Variants in MAP2K2 observed in about 807,000 individuals in gnomAD.
MAP2K2 encodes dual specificity mitogen-activated protein kinase kinase 2.
In MAP2K2, 24 loss-of-function variants were observed where a neutral mutation model predicts 43.7. The ratio of observed to expected loss-of-function variants is 0.55; its 90% confidence interval spans 0.40 to 0.77. MAP2K2 has a LOEUF of 0.77. Among genes scored for constraint, MAP2K2 ranks in the 30% least tolerant of loss-of-function variants. The pLI, the probability that MAP2K2 is intolerant of heterozygous loss-of-function variation, is 0.00. For missense variants in MAP2K2, 470 were observed against 566.8 expected (o/e 0.83, Z 1.73); for synonymous variants, 244 against 239.7 (o/e 1.02, Z -0.17).
chr19:4,113,775 T>C (rs1460120224), intron 2 of MAP2K2, among the ~76,000 whole-genome samples: 2 of 151,836 alleles, frequency 1.3e-5, no homozygotes, highest in African/African-American at 4.8e-5. Flanking sequence ...GGTTGGGGGA[T>C]TCGGAGTAGG....
chr19:4,102,793 G>C (rs1192064856), intron 3 of MAP2K2: 2 of 1,248,958 alleles, frequency 1.6e-6, no homozygotes, highest in African/African-American at 1.5e-5. Flanking sequence ...GGCAGCTGTG[G>C]GGCCCGCACT....
intron 3 of MAP2K2, among the ~76,000 whole-genome samples, chr19:4,105,180 G>C (rs979947437): frequency 3.3e-5 from 5 of 151,446 alleles, no homozygotes; most frequent in Non-Finnish European, 5.9e-5. Context: ...GTGTGTGTGT[G>C]TGTGTGTGTG....
At chr19:4,118,680 G>A (rs2041257869) in intron 1 of MAP2K2, among the ~76,000 whole-genome samples, 1 of 152,192 alleles carries the variant, frequency 6.6e-6, no homozygotes. Flanking sequence ...CATGCCTGTA[G>A]TTCTAGTTAC....
At chr19:4,108,342 G>A (rs1374128540) in intron 3 of MAP2K2, among the ~76,000 whole-genome samples, 1 of 151,960 alleles carries the variant, frequency 6.6e-6, no homozygotes, top group African/African-American at 2.4e-5. Flanking sequence ...CAGGGTTCAC[G>A]CCATTCCCCT....
At chr19:4,103,224 G>A in intron 3 of MAP2K2, 1 of 986,608 alleles carries the variant, frequency 1.0e-6, no homozygotes, top group Non-Finnish European at 1.2e-6. Context: ...CTGGAAACGA[G>A]TCATCATGGG....
At chr19:4,123,554 C>CGCCCTGCCCCGTCCTCCCCCGAGGGT (rs2041328128) in intron 1 of MAP2K2, among the ~76,000 whole-genome samples, 1 of 56,848 alleles carries the variant, frequency 1.8e-5, no homozygotes, top group Admixed American at 1.5e-4. Flanking sequence ...CCTCCGAGGG[C>CGCCCTGCCCCGTCCTCCCCCGAGGGT]CCCCTGCCCC....
In MAP2K2 at chr19:4,093,339, G is replaced by A. The variant is rs892313541; in HGVS notation, c.1092+1114C>T. Among the ~76,000 whole-genome samples, 24 of 152,316 alleles carry A rather than the reference G, an allele frequency of 1.6e-4. 2 individuals are homozygous for A. Among genetic ancestry groups the A allele is most frequent in the Admixed American group, 7.8e-4 (12 of 15,298 alleles). On this transcript the variant is annotated intron_variant, in intron 10 of 10. Transcript: ENST00000262948. ...CTTGAGCACGGGAGTTGGGGCTACA[G>A]TGAGCTACAATCGCACCACTGCATT...
At chr19:4,102,354 T>G (rs372641738) in intron 4 of MAP2K2, 22 bp downstream of exon 4, 19 of 1,575,372 alleles carry the variant, frequency 1.2e-5, no homozygotes, top group Non-Finnish European at 1.6e-5. Flanking sequence ...GGGGGCGCGA[T>G]GTGGGTCTGC....
In MAP2K2 at chr19:4,101,587, C is replaced by T. The variant is rs1402124043; in HGVS notation, c.529-307G>A. On this transcript the variant is annotated intron_variant, in intron 4 of 10. Coordinates refer to ENST00000262948, the MANE Select transcript of MAP2K2 (RefSeq NM_030662.4). The surrounding 1 kb of genome is among the most constrained non-coding windows in gnomAD (Gnocchi z 6.3). ...GGAAGCTGAGATGGTGGCCCATGGC[C>T]CGGGAGTAGGCTGGGCTGCCGAGTT... is the stretch of plus-strand genomic sequence containing the variant. Among the ~76,000 whole-genome samples, 2 of 152,160 alleles carry T rather than the reference C, an allele frequency of 1.3e-5. No homozygotes were observed. Among genetic ancestry groups the T allele is most frequent in the Admixed American group, 6.5e-5 (1 of 15,276 alleles).
intron 3 of MAP2K2, among the ~76,000 whole-genome samples, chr19:4,103,896 T>A (rs2041050710): frequency 6.6e-6 from 1 of 152,152 alleles, no homozygotes; most frequent in Non-Finnish European, 1.5e-5. Context: ...GGAGCTCCAG[T>A]GAGCCAGGGC....
intron 9 of MAP2K2, chr19:4,095,084 C>G: frequency 2.5e-6 from 1 of 399,168 alleles, no homozygotes; most frequent in Admixed American, 3.9e-5. Flanking sequence ...GTCAGCACAC[C>G]AGGGGTCCGG....
chr19:4,092,714 C>T (rs539349238), intron 10 of MAP2K2, among the ~76,000 whole-genome samples: 13 of 152,210 alleles, frequency 8.5e-5, no homozygotes, highest in Admixed American at 2.6e-4. Context: ...GAGAGCCATC[C>T]CCCTATGGCA....
At position 4,115,015 on chromosome 19, in the gene MAP2K2, C is replaced by T. The variant is rs1035430824; in HGVS notation, c.303+2404G>A. Among the ~76,000 whole-genome samples, 3 of 152,180 alleles carry T rather than the reference C, an allele frequency of 2.0e-5. No individual in the cohort carries two copies. The highest frequency in any genetic ancestry group is 2.9e-5 in the Non-Finnish European group (2 of 68,042). ...GCCCTACCTGCATAGCAGCCAGAGC[C>T]GCTGAGCCCACGAGCTCAATGCATC... On this transcript the variant is annotated intron_variant, in intron 2 of 10. Transcript: ENST00000262948. This position sits in a 1 kb window ranked among gnomAD's most constrained non-coding sequence, Gnocchi z 4.1.
At chr19:4,114,446 A>C (rs2041195748) in intron 2 of MAP2K2, among the ~76,000 whole-genome samples, 1 of 152,236 alleles carries the variant, frequency 6.6e-6, no homozygotes, top group African/African-American at 2.4e-5. Context: ...AGTAAGCTAC[A>C]GCGGAGTGGA....
At chr19:4,116,164 T>A (rs350893) in intron 2 of MAP2K2, among the ~76,000 whole-genome samples, 1 of 152,046 alleles carries the variant, frequency 6.6e-6, no homozygotes, top group Non-Finnish European at 1.5e-5. Context: ...ACCTTTAAAT[T>A]GGCAGACTCT....
intron 6 of MAP2K2, 59 bp downstream of exon 6, chr19:4,100,960 A>AGAGCTT: frequency 6.6e-7 from 1 of 1,524,080 alleles, no homozygotes; most frequent in Non-Finnish European, 8.8e-7. Flanking sequence ...CTGGGTGGGG[A>AGAGCTT]GAGCTTGGGG....
intron 1 of MAP2K2, among the ~76,000 whole-genome samples, chr19:4,118,159 A>G (rs2041249485): frequency 6.6e-6 from 1 of 152,144 alleles, no homozygotes; most frequent in Admixed American, 6.6e-5. Context: ...GCTGGTCTCC[A>G]ACTCCTGACA....
chr19:4,097,483 A>G, intron 7 of MAP2K2, 140 bp from the exon 8 acceptor site: 4 of 688,888 alleles, frequency 5.8e-6, no homozygotes, highest in South Asian at 3.1e-5. Context: ...GTGCAGAGGC[A>G]CTGGACAAAG....
chr19:4,099,103 C>G, intron 7 of MAP2K2, 98 bp downstream of exon 7: 1 of 1,013,740 alleles, frequency 9.9e-7, no homozygotes, highest in Non-Finnish European at 1.5e-6. Context: ...ACAGGTGGTG[C>G]GCCAGGGGCA....
Sources: gnomAD v4.1 joint callset for allele counts (sites outside exome capture counted in the v4.1 genomes callset) on GRCh38, gnomAD v4.1.1 for gene constraint, Gnocchi (gnomAD v3.1) non-coding constraint, MANE v1.5 for transcripts, NCBI Gene and HGNC (gene_info 2026-07-23, HGNC 2026-07-21) for gene names.